Variants in MCC observed in about 807,000 individuals in gnomAD.
MCC encodes colorectal mutant cancer protein.
Under a neutral mutation model 116.2 loss-of-function variants are expected in MCC, and 90 were observed. The observed-to-expected ratio is 0.77, with a 90% CI of 0.65 to 0.92. The LOEUF is 0.92. MCC is among the 40% of genes least tolerant of loss of function. MCC has a pLI of 0.00. For synonymous variants in MCC, 578 were observed against 510.5 expected (o/e 1.13, Z -1.78); for missense variants, 1,516 against 1,312.2 (o/e 1.16, Z -2.40).
chr5:113,063,174 A>AAT (rs1753341190), intron 14 of MCC, among the ~76,000 whole-genome samples: 1 of 152,218 alleles, frequency 6.6e-6, no homozygotes, highest in Non-Finnish European at 1.5e-5. Flanking sequence ...ATTAAGTAAG[A>AAT]ATCTCTAACA....
chr5:113,098,991 C>A (rs930420506), intron 8 of MCC, among the ~76,000 whole-genome samples: 2 of 152,090 alleles, frequency 1.3e-5, no homozygotes, highest in Non-Finnish European at 2.9e-5. Context: ...CAATGACAAC[C>A]ACGAAGGACA....
intron 17 of MCC, among the ~76,000 whole-genome samples, chr5:113,031,879 T>C (rs1044478593): frequency 2.6e-5 from 4 of 152,046 alleles, no homozygotes; most frequent in Admixed American, 1.3e-4. Flanking sequence ...CAACCCCAGC[T>C]TAGGGTTGTG....
At chr5:113,384,048 T>C (rs78501512) in intron 2 of MCC, among the ~76,000 whole-genome samples, 2,432 of 149,960 alleles carry the variant, frequency 0.016, 67 homozygotes, top group African/African-American at 0.057. Flanking sequence ...GGCTACCCTT[T>C]AAGATGTCTC....
At chr5:113,076,851 C>A (rs1465906475) in intron 11 of MCC, among the ~76,000 whole-genome samples, 2 of 152,176 alleles carry the variant, frequency 1.3e-5, no homozygotes, top group Non-Finnish European at 2.9e-5. Context: ...AATTAAAAGA[C>A]ACAGACTGGC....
intron 6 of MCC, among the ~76,000 whole-genome samples, chr5:113,108,676 G>T (rs972772403): frequency 2.0e-5 from 3 of 150,280 alleles, no homozygotes; most frequent in South Asian, 4.2e-4. Flanking sequence ...AAAAAGGGAA[G>T]TAACCATAGA....
chr5:113,303,744 C>G (rs1167173353), intron 3 of MCC, among the ~76,000 whole-genome samples: 1 of 152,108 alleles, frequency 6.6e-6, no homozygotes, highest in Non-Finnish European at 1.5e-5. Flanking sequence ...CCTCCACCTC[C>G]CAGGTTCAAG....
intron 3 of MCC, among the ~76,000 whole-genome samples, chr5:113,204,155 A>G (rs1301347474): frequency 6.6e-6 from 1 of 152,204 alleles, no homozygotes; most frequent in Non-Finnish European, 1.5e-5. Flanking sequence ...TGCCTAGAGA[A>G]TGGTCTTGAC....
intron 14 of MCC, among the ~76,000 whole-genome samples, chr5:113,063,352 C>T (rs529013027): frequency 1.2e-4 from 19 of 152,186 alleles, no homozygotes; most frequent in African/African-American, 3.9e-4. Flanking sequence ...AGGTCTTCGC[C>T]GCTCTCTTCC....
chr5:113,456,457 G>A (rs1326522062), intron 1 of MCC, among the ~76,000 whole-genome samples: 1 of 151,848 alleles, frequency 6.6e-6, no homozygotes, highest in Non-Finnish European at 1.5e-5. Context: ...GCTCTGATGA[G>A]CACTACCCTT....
chr5:113,179,653 A>C (rs1581210209), intron 3 of MCC, among the ~76,000 whole-genome samples: 1 of 152,222 alleles, frequency 6.6e-6, no homozygotes, highest in East Asian at 1.9e-4. Flanking sequence ...ATAACATGCA[A>C]GTTCTAGAAA....
intron 2 of MCC, among the ~76,000 whole-genome samples, chr5:113,363,570 A>C (rs773586762): frequency 6.6e-6 from 1 of 152,178 alleles, no homozygotes; most frequent in African/African-American, 2.4e-5. Context: ...ATGGTGCTAG[A>C]CCATTCATAA....
chr5:113,074,245 C>T (rs540548584), intron 11 of MCC, among the ~76,000 whole-genome samples: 9 of 152,338 alleles, frequency 5.9e-5, no homozygotes, highest in South Asian at 2.1e-4. Context: ...CTGCAGCCTC[C>T]GCTGGTGATA....
At chr5:113,114,102 C>A (rs1757261317) in intron 6 of MCC, among the ~76,000 whole-genome samples, 1 of 151,782 alleles carries the variant, frequency 6.6e-6, no homozygotes. Context: ...AAAACGTATA[C>A]ACAAACACAA....
intron 2 of MCC, among the ~76,000 whole-genome samples, chr5:113,353,866 T>C (rs1456161083): frequency 6.6e-6 from 1 of 152,218 alleles, no homozygotes; most frequent in East Asian, 1.9e-4. Context: ...CAATGGAGAA[T>C]TCTTTAATCA....
At chr5:113,238,770 C>G (rs150653880) in intron 3 of MCC, among the ~76,000 whole-genome samples, 33 of 152,284 alleles carry the variant, frequency 2.2e-4, no homozygotes, top group African/African-American at 7.2e-4. Context: ...CAAGGTGATC[C>G]AATATGGCAA....
At chr5:113,396,320 T>C (rs1769523602) in intron 1 of MCC, among the ~76,000 whole-genome samples, 1 of 152,204 alleles carries the variant, frequency 6.6e-6, no homozygotes, top group Admixed American at 6.5e-5. Flanking sequence ...AGAATGAGAC[T>C]GTCTCAAAAA....
chr5:113,151,898 A>T (rs925811849), intron 3 of MCC, among the ~76,000 whole-genome samples: 1 of 143,928 alleles, frequency 6.9e-6, no homozygotes, highest in African/African-American at 2.6e-5. Flanking sequence ...ACAGGCACTG[A>T]GCATTAAGGG....
chr5:113,232,138 G>C (rs375143183), intron 3 of MCC, among the ~76,000 whole-genome samples: 118 of 152,202 alleles, frequency 7.8e-4, no homozygotes, highest in African/African-American at 2.7e-3. Context: ...AAAATAAAAT[G>C]TATCACTTTT....
At chr5:113,414,748 G>A (rs1770095847) in intron 1 of MCC, among the ~76,000 whole-genome samples, 1 of 152,094 alleles carries the variant, frequency 6.6e-6, no homozygotes, top group African/African-American at 2.4e-5. Context: ...TTTAATTGGG[G>A]CATTTTAGCC....
Sources: gnomAD v4.1 joint callset for allele counts (sites outside exome capture counted in the v4.1 genomes callset) on GRCh38, gnomAD v4.1.1 for gene constraint, MANE v1.5 for transcripts, NCBI Gene and HGNC (gene_info 2026-07-23, HGNC 2026-07-21) for gene names.